Variants in MOK observed in about 807,000 individuals in gnomAD.
The protein encoded by MOK is MOK protein kinase.
A neutral mutation model predicts 54.2 loss-of-function variants in MOK; 59 were observed. That is an observed-to-expected ratio of 1.09 (90% confidence interval 0.88 to 1.35). The LOEUF (loss-of-function observed/expected upper bound fraction) is 1.35. Ranked by LOEUF, MOK falls within the 40% of genes most tolerant of loss-of-function variation. The probability of loss-of-function intolerance (pLI) is 0.00; values close to 1 mark genes in which losing one functional copy is unlikely to be tolerated. For synonymous variants in MOK, 210 were observed against 202.7 expected (o/e 1.04, Z -0.31); for missense variants, 517 against 526.2 (o/e 0.98, Z 0.17).
chr14:102,262,341 C>T (rs2153131280), intron 4 of MOK, among the ~76,000 whole-genome samples: 1 of 152,212 alleles, frequency 6.6e-6, no homozygotes, highest in African/African-American at 2.4e-5. Flanking sequence ...TTAGTAGAGA[C>T]AGGGTTTCAC....
rs2064768397 is a variant in MOK, at chr14:102,231,958, G to A, written c.867-137C>T. ...TCTTTTCTGCCTGAGCTGTAATCAG[G>A]AGCCTTTTTTTTTCTTTTCTGTCTC... On this transcript the variant is annotated intron_variant, in intron 9 of 11. Transcript: ENST00000361847. The surrounding 1 kb of genome is among the most constrained non-coding windows in gnomAD (Gnocchi z 4.4). 1.6e-6 allele frequency: 1 copy of A among 643,392 alleles called. No individual in the cohort carries two copies. The allele number at this position is 643,392 out of a possible 1,614,324, so 39.9% of individuals were successfully genotyped here.
At chr14:102,253,167 A>G (rs962577809) in intron 4 of MOK, among the ~76,000 whole-genome samples, 1 of 152,238 alleles carries the variant, frequency 6.6e-6, no homozygotes, top group African/African-American at 2.4e-5. Context: ...AGAATTGTTG[A>G]TAATTTTTTT....
At chr14:102,258,394 C>T (rs1731799650) in intron 4 of MOK, among the ~76,000 whole-genome samples, 1 of 152,244 alleles carries the variant, frequency 6.6e-6, no homozygotes, top group African/African-American at 2.4e-5. Flanking sequence ...CCTCATCACT[C>T]TCTAACACAT....
downstream of MOK, chr14:102,226,328 C>G: frequency 2.8e-6 from 2 of 703,184 alleles, no homozygotes; most frequent in Non-Finnish European, 5.2e-6. The surrounding 1 kb of genome is among the most constrained non-coding windows in gnomAD (Gnocchi z 4.8). Context: ...CATGCAGGTG[C>G]TCAGCAGAGG....
chr14:102,272,975 G>T lies in MOK; in HGVS notation c.123-7063C>A, dbSNP rs144816870. Among the ~76,000 whole-genome samples the T allele has an allele frequency of 2.8e-3, 421 of 152,260 alleles. 3 individuals are homozygous for T. The highest frequency in any genetic ancestry group is 3.5e-3 in the East Asian group (18 of 5,182). On this transcript the variant is annotated intron_variant, in intron 2 of 11. Transcript: ENST00000361847. ...TCACAAAGTCAGGAGTTCGAGACCA[G>T]CCTGGCCAATACGGTTAAACCCTGT...
chr14:102,300,384 C>CAAA lies in MOK; in HGVS notation c.7+4575_7+4577dup, dbSNP rs36070143. Among the ~76,000 whole-genome samples the CAAA allele has an allele frequency of 5.9e-3, 782 of 133,170 alleles. 10 individuals carry two copies. The highest frequency in any genetic ancestry group is 0.02 in the African/African-American group (728 of 35,670). 87.4% of individuals were successfully genotyped at this position (133,170 alleles called of 152,430 possible). On this transcript the variant is annotated intron_variant, in intron 1 of 11. Coordinates refer to ENST00000361847, the MANE Select transcript of MOK (RefSeq NM_014226.3). The stretch of plus-strand genomic sequence containing the variant: ...CAACACAGCAAAACCCCATCTCCAC[C>CAAA]AAAAAAAAAAAAAAATTAGCTGGGC...
downstream of MOK, chr14:102,222,994 A>G (rs1186415841): frequency 7.5e-7 from 1 of 1,337,342 alleles, no homozygotes; most frequent in Non-Finnish European, 1.1e-6. This position sits in a 1 kb window ranked among gnomAD's most constrained non-coding sequence, Gnocchi z 4.4. Flanking sequence ...CAGGCGGTGG[A>G]CGTCGGCGAT....
chr14:102,277,981 T>C (rs2069043077), intron 2 of MOK, among the ~76,000 whole-genome samples: 1 of 152,210 alleles, frequency 6.6e-6, no homozygotes, highest in Admixed American at 6.5e-5. Flanking sequence ...TTTTGAGAGG[T>C]AATTAGAGCA....
chr14:102,290,143 GA>G (rs376178602), intron 1 of MOK, among the ~76,000 whole-genome samples: 1,990 of 142,342 alleles, frequency 0.014, 43 homozygotes, highest in African/African-American at 0.049. Context: ...TACACTTAGA[GA>G]AAAAAAAAAA....
At chr14:102,244,164 T>C (rs1184894723) in intron 7 of MOK, among the ~76,000 whole-genome samples, 1 of 152,176 alleles carries the variant, frequency 6.6e-6, no homozygotes, top group East Asian at 1.9e-4. Context: ...GCAAGGGCCA[T>C]CAAAAGGCAT....
intron 7 of MOK, among the ~76,000 whole-genome samples, chr14:102,239,897 A>G (rs1239928044): frequency 6.6e-6 from 1 of 152,068 alleles, no homozygotes; most frequent in African/African-American, 2.4e-5. Flanking sequence ...AACAAAAAAA[A>G]ACCCTTAACC....
In MOK at chr14:102,240,125, T is replaced by TA. The variant is rs140556569; in HGVS notation, c.591-6337dup. Among the ~76,000 whole-genome samples, 9,199 of 152,256 alleles carry TA rather than the reference T, an allele frequency of 0.06. 309 individuals carry two copies. The highest frequency in any genetic ancestry group is 0.074 in the Non-Finnish European group (4,999 of 68,008). ...CCACACTGAGCACCTTGTGATCCCC[T>TA]AGCCCCTGCCCGCCAGAGAACAACC... On this transcript the variant is annotated intron_variant, in intron 7 of 11. Transcript: ENST00000361847. This position sits in a 1 kb window ranked among gnomAD's most constrained non-coding sequence, Gnocchi z 5.4.
intron 4 of MOK, among the ~76,000 whole-genome samples, chr14:102,253,938 AAAT>A (rs1319569721): frequency 2.0e-5 from 3 of 152,198 alleles, no homozygotes; most frequent in Non-Finnish European, 4.4e-5. Flanking sequence ...AAGAATATAT[AAAT>A]AATAGAAAGT....
the MOK span, among the ~76,000 whole-genome samples, chr14:102,217,125 A>G: frequency 1.3e-5 from 2 of 152,100 alleles, no homozygotes; most frequent in African/African-American, 4.8e-5. Context: ...TCCTCTTTGA[A>G]GTTACTCAAG....
Position 102,232,875 on chromosome 14 carries a change from A to G in MOK, c.693-167T>C. 1 of 567,834 alleles carries G rather than the reference A, an allele frequency of 1.8e-6. No homozygotes were observed. Among genetic ancestry groups the G allele is most frequent in the Non-Finnish European group, 3.1e-6 (1 of 323,720 alleles). 35.2% of individuals were successfully genotyped at this position (567,834 alleles called of 1,614,324 possible). On this transcript the variant is annotated intron_variant, in intron 8 of 11. Coordinates refer to ENST00000361847, the MANE Select transcript of MOK (RefSeq NM_014226.3). This position sits in a 1 kb window ranked among gnomAD's most constrained non-coding sequence, Gnocchi z 5.1. ...CACCACCAAGAGGGACCCCTGATGT[A>G]AATGATGGGCTCTGTGTAGTAATGA...
chr14:102,300,125 A>G (rs1034574414), intron 1 of MOK, among the ~76,000 whole-genome samples: 2 of 151,972 alleles, frequency 1.3e-5, no homozygotes, highest in African/African-American at 2.4e-5. Flanking sequence ...GGAGTTCGAG[A>G]CCAGCCTGGC....
At chr14:102,262,344 G>A (rs910584311) in intron 4 of MOK, among the ~76,000 whole-genome samples, 1 of 152,028 alleles carries the variant, frequency 6.6e-6, no homozygotes, top group Admixed American at 6.5e-5. Flanking sequence ...GTAGAGACAG[G>A]GTTTCACCTT....
At chr14:102,304,824 C>T (rs1401026914) in intron 1 of MOK, 138 bp downstream of exon 1, 3 of 967,644 alleles carry the variant, frequency 3.1e-6, no homozygotes, top group Non-Finnish European at 4.7e-6. Flanking sequence ...CATGCGGAGC[C>T]TCCCGGGCCT....
At chr14:102,270,092 T>C (rs2068232997) in intron 2 of MOK, among the ~76,000 whole-genome samples, 1 of 152,204 alleles carries the variant, frequency 6.6e-6, no homozygotes, top group African/African-American at 2.4e-5. Context: ...CAGACCACAA[T>C]GGATTAAATT....
Sources: allele counts gnomAD v4.1 joint callset (sites outside exome capture counted in the v4.1 genomes callset), GRCh38; gene constraint gnomAD v4.1.1; non-coding constraint Gnocchi (gnomAD v3.1); transcripts MANE v1.5; gene names NCBI Gene and HGNC (gene_info 2026-07-23, HGNC 2026-07-21).